PDE4B: variants seen among roughly 807,000 people sequenced by gnomAD.
PDE4B encodes the protein phosphodiesterase 4B.
In PDE4B, 20 loss-of-function variants were observed where a neutral mutation model predicts 82.2. That is an observed-to-expected ratio of 0.24 (90% confidence interval 0.17 to 0.35). The LOEUF is 0.35. Ranked by LOEUF, PDE4B falls within the 10% of genes least tolerant of loss-of-function variation. The pLI, the probability that PDE4B is intolerant of heterozygous loss-of-function variation, is 1.00. For missense variants in PDE4B, 655 were observed against 907.2 expected, an observed-to-expected ratio of 0.72 and a Z score of 3.57; for synonymous variants, 320 against 318.9, an observed-to-expected ratio of 1.00 and a Z score of -0.04.
At chr1:66,169,347 A>G (rs1407492806) in intron 3 of PDE4B, among the ~76,000 whole-genome samples, 1 of 152,220 alleles carries the variant, frequency 6.6e-6, no homozygotes, top group Non-Finnish European at 1.5e-5. Context: ...AATATACACC[A>G]GCATGCTTAG....
At chr1:66,367,651 T>G in intron 13 of PDE4B, 45 bp from the exon 14 acceptor site, 1 of 1,507,050 alleles carries the variant, frequency 6.6e-7, no homozygotes, top group Non-Finnish European at 9.1e-7. Flanking sequence ...AACATTCAAA[T>G]CATATCCCTT....
intron 3 of PDE4B, among the ~76,000 whole-genome samples, chr1:66,027,803 C>T (rs900714262): frequency 2.6e-5 from 4 of 152,236 alleles, no homozygotes; most frequent in Admixed American, 1.3e-4. Context: ...CTTTATGTCT[C>T]ACATCCAGGT....
chr1:66,030,286 C>A (rs1385474251), intron 3 of PDE4B, among the ~76,000 whole-genome samples: 2 of 152,162 alleles, frequency 1.3e-5, no homozygotes, highest in Non-Finnish European at 2.9e-5. Context: ...CATCTATGTT[C>A]ATCAGGGATA....
At chr1:66,155,635 A>G (rs1463154761) in intron 3 of PDE4B, among the ~76,000 whole-genome samples, 1 of 151,410 alleles carries the variant, frequency 6.6e-6, no homozygotes, top group Non-Finnish European at 1.5e-5. Context: ...GTATATATCT[A>G]TATATACACA....
chr1:66,314,286 A>T (rs935204056), intron 7 of PDE4B, among the ~76,000 whole-genome samples: 1 of 152,150 alleles, frequency 6.6e-6, no homozygotes, highest in Non-Finnish European at 1.5e-5. Flanking sequence ...ATAGTTGCAC[A>T]TTCCCTCTCC....
At chr1:66,271,976 T>C (rs1381078019) in intron 7 of PDE4B, among the ~76,000 whole-genome samples, 1 of 152,188 alleles carries the variant, frequency 6.6e-6, no homozygotes, top group Non-Finnish European at 1.5e-5. Flanking sequence ...TGAATCAACC[T>C]TTTTGCAGCT....
At chr1:66,211,604 A>ATCTCATTTAATCC (rs1553159084) in intron 3 of PDE4B, among the ~76,000 whole-genome samples, 27 of 152,338 alleles carry the variant, frequency 1.8e-4, no homozygotes, top group African/African-American at 6.5e-4. Flanking sequence ...TGCATGCATC[A>ATCTCATTTAATCC]TCTCATTTAA....
intron 1 of PDE4B, among the ~76,000 whole-genome samples, chr1:65,808,462 C>T (rs1382210491): frequency 6.6e-6 from 1 of 152,140 alleles, no homozygotes; most frequent in East Asian, 1.9e-4. Flanking sequence ...GAGCCATTAT[C>T]CTCAGCTGGA....
At chr1:66,310,939 T>A (rs1236283292) in intron 7 of PDE4B, among the ~76,000 whole-genome samples, 1 of 152,240 alleles carries the variant, frequency 6.6e-6, no homozygotes, top group Non-Finnish European at 1.5e-5. Context: ...GAGTGCTCGA[T>A]AAATGTATTA....
At chr1:65,999,061 G>A (rs1410683798) in intron 3 of PDE4B, among the ~76,000 whole-genome samples, 1 of 152,096 alleles carries the variant, frequency 6.6e-6, no homozygotes, top group African/African-American at 2.4e-5. Flanking sequence ...AATACTTACA[G>A]TAAAAAGGGC....
chr1:66,007,558 C>T (rs1652219247), intron 3 of PDE4B, among the ~76,000 whole-genome samples: 1 of 152,086 alleles, frequency 6.6e-6, no homozygotes, highest in South Asian at 2.1e-4. Flanking sequence ...GTTTGAAGAG[C>T]AATGGTTCCA....
At chr1:66,180,626 C>T (rs1647043505) in intron 3 of PDE4B, among the ~76,000 whole-genome samples, 1 of 152,192 alleles carries the variant, frequency 6.6e-6, no homozygotes, top group Admixed American at 6.5e-5. Flanking sequence ...AGGTGGAATA[C>T]TCCAGGGTAG....
At chr1:65,853,686 C>A (rs965217103) in intron 1 of PDE4B, among the ~76,000 whole-genome samples, 2 of 151,950 alleles carry the variant, frequency 1.3e-5, no homozygotes, top group African/African-American at 4.8e-5. Context: ...TGCACCACCA[C>A]GCACAGCTAA....
intron 5 of PDE4B, 53 bp from the exon 6 acceptor site, chr1:66,257,740 C>T: frequency 5.0e-6 from 8 of 1,605,666 alleles, no homozygotes; most frequent in Non-Finnish European, 6.0e-6. Flanking sequence ...TAAGTCTGAA[C>T]CTGGCCATTT....
At chr1:65,859,700 C>T (rs1370893443) in intron 1 of PDE4B, among the ~76,000 whole-genome samples, 1 of 152,118 alleles carries the variant, frequency 6.6e-6, no homozygotes, top group Non-Finnish European at 1.5e-5. Flanking sequence ...TGGTAACTGA[C>T]ATACAATGTA....
In PDE4B at chr1:65,998,804, T is replaced by C. The variant is rs1053682704; in HGVS notation, c.281+79969T>C. On this transcript the variant is annotated intron_variant, in intron 3 of 16. Coordinates refer to ENST00000341517, the MANE Select transcript of PDE4B (RefSeq NM_002600.4). ...TGTGTGTATCTGAGGAAAACCCTAT[T>C]AGCTCAGTCCTAATTTACTAGAGGT... 2.0e-5 allele frequency among the ~76,000 whole-genome samples: 3 copies of C among 151,930 alleles called. No individual in the cohort carries two copies. The East Asian group carries it at 5.8e-4, about 29-fold the overall frequency.
At chr1:65,975,380 T>G (rs1251290685) in intron 3 of PDE4B, among the ~76,000 whole-genome samples, 3 of 152,184 alleles carry the variant, frequency 2.0e-5, no homozygotes, top group East Asian at 1.9e-4. Context: ...GGCAAAGAGA[T>G]TATCTGAAAC....
intron 3 of PDE4B, among the ~76,000 whole-genome samples, chr1:66,114,714 C>T (rs902474969): frequency 2.7e-5 from 4 of 150,318 alleles, no homozygotes; most frequent in African/African-American, 2.5e-5. Flanking sequence ...CGGCTCACTG[C>T]AACCTCTGCT....
rs2050892592 is a variant in PDE4B, at chr1:66,374,376, T to C, written c.*1698T>C. ...TATGTTTCATGCTTTCAGTTCAGCA[T>C]TGTGACTCAGTAATTACAGAAAATG... On this transcript the variant is annotated 3_prime_UTR_variant, in exon 17 of 17. Coordinates refer to ENST00000341517, the MANE Select transcript of PDE4B (RefSeq NM_002600.4). 1 of 152,642 alleles carries C rather than the reference T, an allele frequency of 6.6e-6. No individual in the cohort carries two copies. The highest frequency in any genetic ancestry group is 1.5e-5 in the Non-Finnish European group (1 of 68,042). The allele number at this position is 152,642 out of a possible 1,614,324, so 9.5% of individuals were successfully genotyped here.
Sources: gnomAD v4.1 joint callset for allele counts (sites outside exome capture counted in the v4.1 genomes callset) on GRCh38, gnomAD v4.1.1 for gene constraint, MANE v1.5 for transcripts, NCBI Gene and HGNC (gene_info 2026-07-23, HGNC 2026-07-21) for gene names.